GLI2: variants seen among roughly 807,000 people sequenced by gnomAD.
The protein encoded by GLI2 is GLI family zinc finger 2.
A neutral mutation model predicts 78.9 loss-of-function variants in GLI2; 22 were observed. That is an observed-to-expected ratio of 0.28 (90% CI 0.20 to 0.40). The LOEUF (loss-of-function observed/expected upper bound fraction) is 0.40. Among genes scored for constraint, GLI2 ranks in the 10% least tolerant of loss-of-function variants. GLI2 has a pLI of 1.00. For missense variants in GLI2, 2,097 were observed against 2,213.2 expected (o/e 0.95, Z 1.05); for synonymous variants, 974 against 963.7 (o/e 1.01, Z -0.20).
intron 2 of GLI2, among the ~76,000 whole-genome samples, chr2:120,926,931 A>G (rs908916473): frequency 6.6e-6 from 1 of 152,104 alleles, no homozygotes; most frequent in African/African-American, 2.4e-5. Flanking sequence ...CTAGGTCAAC[A>G]CCTCCAGCCT....
intron 1 of GLI2, among the ~76,000 whole-genome samples, chr2:120,779,600 T>C (rs997145157): frequency 1.3e-5 from 2 of 152,244 alleles, no homozygotes; most frequent in Non-Finnish European, 2.9e-5. Flanking sequence ...GGATTTAGAC[T>C]CTTGTGGTTC....
intron 3 of GLI2, among the ~76,000 whole-genome samples, chr2:120,944,629 C>T (rs570070906): frequency 4.2e-4 from 64 of 152,310 alleles, no homozygotes; most frequent in African/African-American, 1.5e-3. Context: ...GGAGCCAGCA[C>T]GAGCCTGCAT....
At chr2:120,905,192 C>G (rs376444719) in intron 2 of GLI2, among the ~76,000 whole-genome samples, 40 of 151,910 alleles carry the variant, frequency 2.6e-4, no homozygotes, top group East Asian at 2.1e-3. Context: ...TAAAAGGGGG[C>G]TCTCAGTTCC....
chr2:120,975,159 A>G (rs372033624), intron 9 of GLI2, 50 bp downstream of exon 9: 15 of 1,585,626 alleles, frequency 9.5e-6, no homozygotes, highest in Middle Eastern at 1.7e-4. Flanking sequence ...GGCCCAGGCC[A>G]TGCAGGATGC....
At chr2:120,892,588 GT>G (rs1392158759) in intron 2 of GLI2, among the ~76,000 whole-genome samples, 1 of 152,214 alleles carries the variant, frequency 6.6e-6, no homozygotes, top group Non-Finnish European at 1.5e-5. Context: ...CTGCACCTGC[GT>G]GTTTGTGCCT....
chr2:120,982,351 T>C (rs1028455623), intron 10 of GLI2, among the ~76,000 whole-genome samples: 1 of 152,202 alleles, frequency 6.6e-6, no homozygotes, highest in Non-Finnish European at 1.5e-5. Flanking sequence ...AGTCATAGTT[T>C]AGAGTTTAAT....
chr2:120,872,435 A>C (rs901886868), intron 2 of GLI2, among the ~76,000 whole-genome samples: 6 of 152,212 alleles, frequency 3.9e-5, no homozygotes, highest in African/African-American at 1.4e-4. Context: ...AGGGGTGGAC[A>C]CAGGGGCTGC....
intron 3 of GLI2, among the ~76,000 whole-genome samples, chr2:120,934,202 G>A (rs1169781479): frequency 1.3e-5 from 2 of 152,166 alleles, no homozygotes; most frequent in Non-Finnish European, 2.9e-5. Context: ...CACTGACAGC[G>A]CCTCGCCGCC....
intron 2 of GLI2, among the ~76,000 whole-genome samples, chr2:120,816,396 T>C (rs1685496143): frequency 6.6e-6 from 1 of 152,074 alleles, no homozygotes; most frequent in African/African-American, 2.4e-5. Context: ...GGTTTTGCCA[T>C]GTTGGCCAGG....
intron 1 of GLI2, among the ~76,000 whole-genome samples, chr2:120,763,712 C>T (rs550054586): frequency 2.6e-5 from 4 of 152,234 alleles, no homozygotes; most frequent in Admixed American, 1.3e-4. Context: ...CTGTAGCCAT[C>T]GTGCCCTCTT....
chr2:120,919,792 T>A (rs1679278604), intron 2 of GLI2, among the ~76,000 whole-genome samples: 1 of 152,092 alleles, frequency 6.6e-6, no homozygotes, highest in South Asian at 2.1e-4. Context: ...CTTCCTTGAT[T>A]TCTGGTCATG....
At chr2:120,924,390 C>T (rs914539120) in intron 2 of GLI2, among the ~76,000 whole-genome samples, 9 of 152,132 alleles carry the variant, frequency 5.9e-5, no homozygotes, top group South Asian at 4.1e-4. Flanking sequence ...TCAGAGCCTT[C>T]GATTCTCCTC....
chr2:120,813,448 A>G (rs1428214573), intron 2 of GLI2, among the ~76,000 whole-genome samples: 2 of 152,202 alleles, frequency 1.3e-5, no homozygotes, highest in African/African-American at 2.4e-5. Flanking sequence ...ACAGAGGAAC[A>G]GCCTGATCCC....
At chr2:120,796,401 C>T (rs1190298360) in intron 1 of GLI2, among the ~76,000 whole-genome samples, 2 of 152,212 alleles carry the variant, frequency 1.3e-5, no homozygotes, top group African/African-American at 4.8e-5. Flanking sequence ...AATGGAGTGA[C>T]CCTTTTACAC....
Position 120,797,503 on chromosome 2 carries a change from G to C in GLI2, c.148+35G>C, listed in dbSNP as rs758570056. 3.1e-5 allele frequency: 50 copies of C among 1,603,566 alleles called. No homozygotes were observed. In the African/African-American group the frequency reaches 6.7e-4, roughly 21 times the overall value. ...GTTTCGCACACTTGGAGGGCAGCAG[G>C]GGTGTTTTTCATTAGCCCGTTAGGA... On this transcript the variant is annotated intron_variant, in intron 2 of 13. Transcript: ENST00000361492.
intron 1 of GLI2, among the ~76,000 whole-genome samples, chr2:120,768,804 T>G (rs867088172): frequency 2.6e-4 from 36 of 139,828 alleles, no homozygotes; most frequent in African/African-American, 1.1e-3. Context: ...CGCCCCTGTG[T>G]GTGTGTGTGT....
chr2:120,890,272 T>C (rs1390409091), intron 2 of GLI2, among the ~76,000 whole-genome samples: 1 of 152,156 alleles, frequency 6.6e-6, no homozygotes, highest in Non-Finnish European at 1.5e-5. Context: ...ATTTTAGAAA[T>C]GGAGAACAGA....
intron 2 of GLI2, among the ~76,000 whole-genome samples, chr2:120,842,221 A>G (rs1686920679): frequency 6.6e-6 from 1 of 152,098 alleles, no homozygotes; most frequent in Admixed American, 6.5e-5. Context: ...CCTCTCACAT[A>G]TCCTTTGCAA....
intron 2 of GLI2, among the ~76,000 whole-genome samples, chr2:120,904,690 G>T (rs1031128502): frequency 1.3e-5 from 2 of 152,190 alleles, no homozygotes; most frequent in African/African-American, 2.4e-5. Context: ...TTTTTAAAAC[G>T]CTGGTGCCCT....
Sources: gnomAD v4.1 joint callset for allele counts (sites outside exome capture counted in the v4.1 genomes callset) on GRCh38, gnomAD v4.1.1 for gene constraint, MANE v1.5 for transcripts, NCBI Gene and HGNC (gene_info 2026-07-23, HGNC 2026-07-21) for gene names.